ROBO1: variants seen among roughly 807,000 people sequenced by gnomAD.
The protein encoded by ROBO1 is roundabout homolog 1.
A neutral mutation model predicts 195.9 loss-of-function variants in ROBO1; 149 were observed. The observed-to-expected ratio is 0.76, with a 90% CI of 0.67 to 0.87. The LOEUF (loss-of-function observed/expected upper bound fraction) is 0.87. ROBO1 is among the 40% of genes least tolerant of loss of function. The pLI is 0.00. For synonymous variants in ROBO1, 816 were observed against 733.2 expected (o/e 1.11, Z -1.82); for missense variants, 1,933 against 2,068.3 (o/e 0.93, Z 1.27).
chr3:79,071,008 A>G (rs1174354895), intron 3 of ROBO1, among the ~76,000 whole-genome samples: 12 of 151,794 alleles, frequency 7.9e-5, no homozygotes, highest in Non-Finnish European at 1.6e-4. Flanking sequence ...TATAGATTGT[A>G]AAATGGTTAA....
rs898184500 is a variant in ROBO1 at position 79,551,994 on chromosome 3, A to C, written c.88+37830T>G. 1.3e-3 allele frequency among the ~76,000 whole-genome samples: 193 copies of C among 146,026 alleles called. 2 individuals carry two copies. Among genetic ancestry groups the C allele is most frequent in the African/African-American group, 4.2e-3 (166 of 39,810 alleles). The stretch of plus-strand genomic sequence containing the variant: ...CTCTACAGAGTTAAAAAAAAAAAAA[A>C]AAAAAAAAAAAAAAAAAAAACAGAG... On this transcript the variant is annotated intron_variant, in intron 2 of 30. Coordinates refer to ENST00000464233, the MANE Select transcript of ROBO1 (RefSeq NM_002941.4).
At chr3:79,699,102 A>G (rs1040817306) in intron 1 of ROBO1, among the ~76,000 whole-genome samples, 1 of 150,140 alleles carries the variant, frequency 6.7e-6, no homozygotes. Context: ...TATATATGAC[A>G]TTAACATTTA....
At chr3:79,018,915 G>A in intron 3 of ROBO1, 1 of 988,408 alleles carries the variant, frequency 1.0e-6, no homozygotes, top group Non-Finnish European at 1.2e-6. Flanking sequence ...GTGCTTCTCC[G>A]TCTCCCGGCG....
intron 4 of ROBO1, among the ~76,000 whole-genome samples, chr3:78,902,181 T>A: frequency 6.6e-6 from 1 of 152,132 alleles, no homozygotes; most frequent in East Asian, 1.9e-4. Context: ...ATATCTAGAA[T>A]TTTATAGAAA....
At chr3:79,246,423 T>C (rs1169085248) in intron 2 of ROBO1, among the ~76,000 whole-genome samples, 2 of 152,076 alleles carry the variant, frequency 1.3e-5, no homozygotes, top group Non-Finnish European at 2.9e-5. Flanking sequence ...GGCTTTGCTA[T>C]TGCAAATATT....
At chr3:79,058,859 T>C (rs1167872959) in intron 3 of ROBO1, among the ~76,000 whole-genome samples, 1 of 152,116 alleles carries the variant, frequency 6.6e-6, no homozygotes, top group African/African-American at 2.4e-5. Context: ...CTAAGAGATT[T>C]GTTTTCACTT....
chr3:78,887,842 A>G (rs112918453), intron 4 of ROBO1, among the ~76,000 whole-genome samples: 16 of 152,126 alleles, frequency 1.1e-4, no homozygotes, highest in African/African-American at 3.9e-4. Flanking sequence ...GTTTTAAGCC[A>G]TATCACTGAA....
chr3:79,563,745 C>T (rs772365477), intron 2 of ROBO1, among the ~76,000 whole-genome samples: 26 of 151,974 alleles, frequency 1.7e-4, no homozygotes, highest in Non-Finnish European at 3.1e-4. Flanking sequence ...GACAATTTTA[C>T]ATAAAACATC....
At chr3:79,759,816 ACCAG>A (rs1481340648) in intron 1 of ROBO1, among the ~76,000 whole-genome samples, 1 of 152,218 alleles carries the variant, frequency 6.6e-6, no homozygotes, top group African/African-American at 2.4e-5. Flanking sequence ...ACAGATGCCA[ACCAG>A]CCTTATAAAC....
At chr3:79,644,042 A>C (rs147429515) in intron 1 of ROBO1, among the ~76,000 whole-genome samples, 22 of 152,300 alleles carry the variant, frequency 1.4e-4, no homozygotes, top group African/African-American at 5.1e-4. Context: ...ACTGGGAACC[A>C]AAAACCAGTA....
chr3:79,071,623 T>A (rs34840858), intron 3 of ROBO1, among the ~76,000 whole-genome samples: 33,904 of 151,436 alleles, frequency 0.22, 4,006 homozygotes, highest in South Asian at 0.29. Flanking sequence ...GTTATTTTTT[T>A]AAAAAATTCA....
intron 3 of ROBO1, among the ~76,000 whole-genome samples, chr3:79,103,671 A>G (rs919298308): frequency 6.6e-6 from 1 of 151,878 alleles, no homozygotes; most frequent in East Asian, 1.9e-4. Flanking sequence ...TATAAATTTT[A>G]TCACATCTAA....
At chr3:79,600,435 AGT>A (rs948325538) in intron 1 of ROBO1, among the ~76,000 whole-genome samples, 1 of 151,974 alleles carries the variant, frequency 6.6e-6, no homozygotes, top group Non-Finnish European at 1.5e-5. Flanking sequence ...GAGAAAAGAG[AGT>A]GAGAGAACAC....
At chr3:78,804,689 A>C (rs568939052) in intron 4 of ROBO1, among the ~76,000 whole-genome samples, 5 of 138,564 alleles carry the variant, frequency 3.6e-5, no homozygotes, top group African/African-American at 1.3e-4. Flanking sequence ...ACTGGGTGGG[A>C]AATTGGGTTT....
chr3:79,677,286 A>G (rs151296915), intron 1 of ROBO1, among the ~76,000 whole-genome samples: 1 of 152,112 alleles, frequency 6.6e-6, no homozygotes, highest in East Asian at 1.9e-4. Context: ...CCTACATGGC[A>G]TGTGTTAGTC....
intron 4 of ROBO1, among the ~76,000 whole-genome samples, chr3:78,832,373 G>A (rs183450447): frequency 4.6e-5 from 7 of 152,072 alleles, no homozygotes; most frequent in East Asian, 3.9e-4. Flanking sequence ...ATATGCCTCC[G>A]CCTTTAAAGC....
At chr3:79,643,637 G>A (rs1945732207) in intron 1 of ROBO1, among the ~76,000 whole-genome samples, 2 of 151,840 alleles carry the variant, frequency 1.3e-5, no homozygotes, top group South Asian at 4.2e-4. Context: ...TGTGATCTAA[G>A]TTAAGTTGTC....
At chr3:79,079,362 G>A (rs1047294668) in intron 3 of ROBO1, among the ~76,000 whole-genome samples, 4 of 151,580 alleles carry the variant, frequency 2.6e-5, no homozygotes, top group African/African-American at 9.7e-5. Context: ...TTTTAAATAG[G>A]AATAAGTTAT....
At chr3:78,963,048 C>T (rs190931970) in intron 3 of ROBO1, among the ~76,000 whole-genome samples, 15 of 151,116 alleles carry the variant, frequency 9.9e-5, no homozygotes, top group Admixed American at 4.6e-4. Flanking sequence ...TTAGTATCTT[C>T]CAGGTAAGTA....
Sources: gnomAD v4.1 joint callset for allele counts (sites outside exome capture counted in the v4.1 genomes callset) on GRCh38, gnomAD v4.1.1 for gene constraint, MANE v1.5 for transcripts, NCBI Gene and HGNC (gene_info 2026-07-23, HGNC 2026-07-21) for gene names.